The following TLK2 variants were observed in gnomAD, a reference collection of about 807,000 sequenced individuals.
TLK2 encodes the protein tousled like kinase 2.
A neutral mutation model predicts 117.3 loss-of-function variants in TLK2; 6 were observed. The ratio of observed to expected loss-of-function variants is 0.05; its 90% CI spans 0.03 to 0.10. The LOEUF is 0.10. Among genes scored for constraint, TLK2 ranks in the 10% least tolerant of loss-of-function variants. The pLI is 1.00. For synonymous variants in TLK2, 257 were observed against 316.7 expected, an observed-to-expected ratio of 0.81 and a Z score of 2.00; for missense variants, 299 against 901.2, an observed-to-expected ratio of 0.33 and a Z score of 8.56.
intron 9 of TLK2, among the ~76,000 whole-genome samples, chr17:62,556,985 C>T (rs1030064072): frequency 6.6e-6 from 1 of 152,216 alleles, no homozygotes; most frequent in African/African-American, 2.4e-5. Context: ...GGTGCAGTGG[C>T]ACCGTCATGG....
chr17:62,533,755 G>T (rs1227247801), intron 6 of TLK2, among the ~76,000 whole-genome samples: 1 of 152,052 alleles, frequency 6.6e-6, no homozygotes, highest in Non-Finnish European at 1.5e-5. Context: ...GGGATTACAG[G>T]CATGAGCCAC....
chr17:62,603,235 C>T (rs1465919712), intron 19 of TLK2, among the ~76,000 whole-genome samples: 3 of 152,196 alleles, frequency 2.0e-5, no homozygotes, highest in Non-Finnish European at 2.9e-5. Context: ...CTGTGCTCAT[C>T]GTGAAGCCTG....
chr17:62,584,236 C>T (rs1393143043), intron 15 of TLK2, among the ~76,000 whole-genome samples: 1 of 149,254 alleles, frequency 6.7e-6, no homozygotes, highest in Non-Finnish European at 1.5e-5. Context: ...CCTGCCTCAG[C>T]TTCCCAAGTA....
chr17:62,478,721 C>G (rs2071223926), upstream of TLK2, among the ~76,000 whole-genome samples: 1 of 110,564 alleles, frequency 9.0e-6, no homozygotes, highest in South Asian at 3.2e-4. Context: ...CCCCTGCTCC[C>G]CCACTGTCGG....
At chr17:62,580,518 A>G (rs1431426509) in intron 15 of TLK2, among the ~76,000 whole-genome samples, 8 of 152,200 alleles carry the variant, frequency 5.3e-5, no homozygotes, top group Non-Finnish European at 2.9e-5. Flanking sequence ...AGTATGTGCT[A>G]TCTTTCTTTC....
In TLK2 at chr17:62,534,881, C is replaced by CTTTTTTTT. The variant is rs386386398; in HGVS notation, c.364-1272_364-1265dup. ...TGCATTAAAAGTGGATAATTCCAGTCTTTTTTTTTTTTTTTTTTTTTTTTG... is the reference window on the plus strand; with the variant it reads ...TGCATTAAAAGTGGATAATTCCAGTCTTTTTTTTTTTTTTTTTTTTTTTTTTTTTTTTG... On this transcript the variant is annotated intron_variant, in intron 6 of 21. Transcript: ENST00000346027. Among the ~76,000 whole-genome samples the CTTTTTTTT allele has an allele frequency of 3.6e-4, 26 of 73,004 alleles. 1 individual carries two copies. Among genetic ancestry groups the CTTTTTTTT allele is most frequent in the Non-Finnish European group, 5.8e-4 (24 of 41,366 alleles). 47.9% of individuals were successfully genotyped at this position (73,004 alleles called of 152,430 possible). A position where few individuals can be genotyped will look rare whatever the true frequency, so the allele number is the denominator to read the frequency against.
chr17:62,596,982 C>G (rs1050013784), intron 17 of TLK2, among the ~76,000 whole-genome samples: 13 of 151,920 alleles, frequency 8.6e-5, no homozygotes, highest in Non-Finnish European at 1.6e-4. Flanking sequence ...GATGTACCAC[C>G]TGTTTATTTT....
At chr17:62,500,228 C>G (rs976345835) in intron 2 of TLK2, among the ~76,000 whole-genome samples, 2 of 151,592 alleles carry the variant, frequency 1.3e-5, no homozygotes, top group Admixed American at 6.6e-5. Context: ...TACTACCACA[C>G]CTGGCTAATT....
intron 15 of TLK2, among the ~76,000 whole-genome samples, chr17:62,583,216 TC>T (rs2081343251): frequency 6.6e-6 from 1 of 152,056 alleles, no homozygotes; most frequent in Admixed American, 6.6e-5. Context: ...CTCAGCCTCT[TC>T]CAGTAGCTAG....
At chr17:62,600,086 C>T (rs918214138) in intron 17 of TLK2, among the ~76,000 whole-genome samples, 31 of 152,178 alleles carry the variant, frequency 2.0e-4, no homozygotes, top group African/African-American at 6.5e-4. Context: ...TGTCAGAAGA[C>T]GTAGTATGCA....
intron 18 of TLK2, among the ~76,000 whole-genome samples, 156 bp downstream of exon 18, chr17:62,600,976 G>A (rs925689103): frequency 1.3e-5 from 2 of 152,122 alleles, no homozygotes; most frequent in Non-Finnish European, 2.9e-5. Flanking sequence ...AAAGAGTCCT[G>A]GCCAAGCAGC....
At chr17:62,504,591 C>T (rs906258582) in intron 2 of TLK2, among the ~76,000 whole-genome samples, 3 of 152,010 alleles carry the variant, frequency 2.0e-5, no homozygotes, top group Non-Finnish European at 4.4e-5. Flanking sequence ...ATCTGTAGAG[C>T]CCAAGAGTTT....
chr17:62,582,623 T>A (rs1439997780), intron 15 of TLK2, among the ~76,000 whole-genome samples: 2 of 152,230 alleles, frequency 1.3e-5, no homozygotes, highest in Non-Finnish European at 2.9e-5. Context: ...GCTTAGTTTA[T>A]TTTCTTTGTA....
At chr17:62,569,807 C>T (rs984106802) in intron 11 of TLK2, among the ~76,000 whole-genome samples, 6 of 152,036 alleles carry the variant, frequency 3.9e-5, no homozygotes, top group East Asian at 3.8e-4. Context: ...TGAAGGTACC[C>T]GCATTTCAGT....
At chr17:62,562,412 C>T (rs1179765874) in intron 10 of TLK2, among the ~76,000 whole-genome samples, 1 of 152,078 alleles carries the variant, frequency 6.6e-6, no homozygotes, top group Non-Finnish European at 1.5e-5. Flanking sequence ...TGTTATCTTT[C>T]ATAGAATTTG....
At chr17:62,591,480 G>A (rs555279072) in intron 16 of TLK2, among the ~76,000 whole-genome samples, 15 of 152,154 alleles carry the variant, frequency 9.9e-5, no homozygotes, top group Non-Finnish European at 1.8e-4. Flanking sequence ...TGCCGAAACC[G>A]AAGCTCAGAG....
At chr17:62,535,032 G>T (rs2077019474) in intron 6 of TLK2, among the ~76,000 whole-genome samples, 1 of 151,852 alleles carries the variant, frequency 6.6e-6, no homozygotes, top group African/African-American at 2.4e-5. Context: ...TGGATTACAG[G>T]TGCCCACGAC....
chr17:62,543,717 A>G (rs187043089), intron 7 of TLK2, among the ~76,000 whole-genome samples: 555 of 152,252 alleles, frequency 3.6e-3, no homozygotes, highest in Non-Finnish European at 6.0e-3. Flanking sequence ...CATTCTTTAT[A>G]TATTCTGAAT....
In TLK2 at chr17:62,544,424, C is replaced by T. The variant is rs1438833975; in HGVS notation, c.532-7878C>T. ...CATGCACTTTTAAACCATCAGATCT[C>T]GTGAGAACTCACTCACTATCATGAG... On this transcript the variant is annotated intron_variant, in intron 7 of 21. Coordinates refer to ENST00000346027, the MANE Select transcript of TLK2 (RefSeq NM_006852.6). Among the ~76,000 whole-genome samples, 6 of 152,170 alleles carry T rather than the reference C, an allele frequency of 3.9e-5. 1 individual carries two copies. The Middle Eastern group carries it at 0.014, about 345-fold the overall frequency.
Sources: gnomAD v4.1 joint callset for allele counts (sites outside exome capture counted in the v4.1 genomes callset) on GRCh38, gnomAD v4.1.1 for gene constraint, MANE v1.5 for transcripts, NCBI Gene and HGNC (gene_info 2026-07-23, HGNC 2026-07-21) for gene names.